PCDH15: variants seen among roughly 807,000 people sequenced by gnomAD.
PCDH15 encodes protocadherin related 15.
A neutral mutation model predicts 178.5 loss-of-function variants in PCDH15; 129 were observed. The observed-to-expected ratio is 0.72, with a 90% CI of 0.63 to 0.84. The LOEUF (loss-of-function observed/expected upper bound fraction) is 0.84. PCDH15 is among the 40% of genes least tolerant of loss of function. The pLI is 0.00. For missense variants in PCDH15, 2,230 were observed against 2,099.9 expected, an observed-to-expected ratio of 1.06 and a Z score of -1.21; for synonymous variants, 800 against 732.0, an observed-to-expected ratio of 1.09 and a Z score of -1.50.
chr10:55,087,116 C>G (rs1432956318), intron 2 of PCDH15, among the ~76,000 whole-genome samples: 1 of 152,068 alleles, frequency 6.6e-6, no homozygotes, highest in Non-Finnish European at 1.5e-5. Context: ...TACTTGAGTG[C>G]TAATCTCATG....
chr10:55,523,951 T>C (rs1455050429), intron 2 of PCDH15, among the ~76,000 whole-genome samples: 1 of 151,614 alleles, frequency 6.6e-6, no homozygotes, highest in Non-Finnish European at 1.5e-5. Flanking sequence ...ACCCTGAACC[T>C]ACTAAACTGT....
rs140960140 is a variant in PCDH15, at chr10:55,461,804, C to T, written c.-156+165821G>A. ...TTATTTTTCAGCATATTTTATTTCT[C>T]ACTTACACAAATAACAGAAAACCCA... On this transcript the variant is annotated intron_variant, in intron 2 of 5. Coordinates refer to the PCDH15 transcript ENST00000613346. Among the ~76,000 whole-genome samples, 3 of 152,116 alleles carry T rather than the reference C, an allele frequency of 2.0e-5. No homozygotes were observed. The East Asian group carries it at 5.8e-4, about 29-fold the overall frequency.
chr10:55,000,690 T>C (rs1839777099), intron 2 of PCDH15, among the ~76,000 whole-genome samples: 1 of 152,172 alleles, frequency 6.6e-6, no homozygotes, highest in East Asian at 1.9e-4. Flanking sequence ...AAGACAGGCG[T>C]AAGAAATTAT....
intron 3 of PCDH15, among the ~76,000 whole-genome samples, chr10:54,497,336 C>A (rs1051549144): frequency 1.3e-5 from 2 of 151,688 alleles, no homozygotes; most frequent in African/African-American, 4.8e-5. Flanking sequence ...AGAACATTAG[C>A]CCCCACAGCT....
intron 2 of PCDH15, chr10:54,528,382 T>A: frequency 1.9e-6 from 3 of 1,574,748 alleles, no homozygotes; most frequent in Non-Finnish European, 2.6e-6. Flanking sequence ...ATTTTTGTCA[T>A]CTTACCCTCA....
intron 5 of PCDH15, among the ~76,000 whole-genome samples, chr10:54,360,248 T>C (rs932288812): frequency 6.6e-6 from 1 of 152,122 alleles, no homozygotes; most frequent in Non-Finnish European, 1.5e-5. Context: ...CTGCTTCCTA[T>C]TGACCTTCAT....
At chr10:54,794,134 T>TAAG (rs926632146) in intron 1 of PCDH15, among the ~76,000 whole-genome samples, 4 of 147,470 alleles carry the variant, frequency 2.7e-5, no homozygotes, top group Non-Finnish European at 6.0e-5. Flanking sequence ...AAGATATATA[T>TAAG]ATATCTTATA....
intron 2 of PCDH15, among the ~76,000 whole-genome samples, chr10:55,047,237 A>C (rs547183067): frequency 7.2e-5 from 11 of 151,922 alleles, no homozygotes; most frequent in Non-Finnish European, 1.3e-4. Flanking sequence ...GCAAAGATTC[A>C]CTCATATATA....
At chr10:54,647,363 G>A (rs1036480010) in intron 2 of PCDH15, among the ~76,000 whole-genome samples, 9 of 152,066 alleles carry the variant, frequency 5.9e-5, no homozygotes, top group African/African-American at 2.2e-4. Flanking sequence ...AGGGGTTGGA[G>A]AGTGGGAGAA....
At chr10:54,177,547 G>GT (rs2047553269) in intron 13 of PCDH15, among the ~76,000 whole-genome samples, 1 of 151,744 alleles carries the variant, frequency 6.6e-6, no homozygotes, top group African/African-American at 2.4e-5. Context: ...GGAAATCACT[G>GT]TATCTTCCTC....
intron 18 of PCDH15, among the ~76,000 whole-genome samples, chr10:54,038,094 C>T (rs1024031639): frequency 1.3e-4 from 20 of 151,890 alleles, no homozygotes; most frequent in African/African-American, 4.8e-5. Context: ...TATATATCCA[C>T]GTTTTGAATT....
chr10:54,055,756 C>A (rs983962858), intron 18 of PCDH15, among the ~76,000 whole-genome samples: 1 of 151,970 alleles, frequency 6.6e-6, no homozygotes, highest in Non-Finnish European at 1.5e-5. Flanking sequence ...AAAAGGCCAC[C>A]TCTTTTTCTT....
At chr10:54,486,894 T>C (rs1232752597) in intron 3 of PCDH15, among the ~76,000 whole-genome samples, 2 of 151,882 alleles carry the variant, frequency 1.3e-5, no homozygotes, top group East Asian at 1.9e-4. Context: ...TTATAGACCA[T>C]GAGATTAAGG....
intron 2 of PCDH15, among the ~76,000 whole-genome samples, chr10:55,421,996 T>G (rs1838633303): frequency 6.6e-6 from 1 of 151,742 alleles, no homozygotes; most frequent in South Asian, 2.1e-4. Context: ...TTCATAAAAT[T>G]TCCTTTTAAA....
chr10:53,995,835 TC>T, intron 20 of PCDH15, 70 bp from the exon 21 acceptor site: 1 of 1,334,804 alleles, frequency 7.5e-7, no homozygotes, highest in South Asian at 1.2e-5. Flanking sequence ...CTAGATTGAC[TC>T]CCAGTCTTCA....
At chr10:55,505,003 C>T (rs543151974) in intron 2 of PCDH15, among the ~76,000 whole-genome samples, 3 of 151,428 alleles carry the variant, frequency 2.0e-5, no homozygotes, top group East Asian at 3.9e-4. Flanking sequence ...AGGAGTTTGT[C>T]ATAAGAGCTA....
At chr10:55,347,492 AATAC>A (rs1201145253) in intron 2 of PCDH15, among the ~76,000 whole-genome samples, 1 of 152,174 alleles carries the variant, frequency 6.6e-6, no homozygotes, top group Non-Finnish European at 1.5e-5. Context: ...CACACAAATA[AATAC>A]ATACTATTTT....
chr10:55,112,337 G>A (rs890281073), intron 2 of PCDH15, among the ~76,000 whole-genome samples: 37 of 152,204 alleles, frequency 2.4e-4, no homozygotes, highest in African/African-American at 7.7e-4. Flanking sequence ...GTGAAGATTC[G>A]ATGAGAAGAT....
intron 2 of PCDH15, among the ~76,000 whole-genome samples, chr10:55,143,717 C>T (rs759686979): frequency 5.3e-5 from 8 of 151,646 alleles, no homozygotes; most frequent in Non-Finnish European, 1.0e-4. Context: ...TTTTTGAGTC[C>T]CCTGACTTGA....
Sources: gnomAD v4.1 joint callset for allele counts (sites outside exome capture counted in the v4.1 genomes callset) on GRCh38, gnomAD v4.1.1 for gene constraint, MANE v1.5 for transcripts, NCBI Gene and HGNC (gene_info 2026-07-23, HGNC 2026-07-21) for gene names.